ZBTB20: variants seen among roughly 807,000 people sequenced by gnomAD.
The protein encoded by ZBTB20 is zinc finger and BTB domain-containing protein 20.
In ZBTB20, 9 loss-of-function variants were observed where a neutral mutation model predicts 56.9. The observed-to-expected ratio is 0.16, with a 90% CI of 0.10 to 0.28. The LOEUF is 0.28. ZBTB20 is among the 10% of genes least tolerant of loss of function. ZBTB20 has a pLI of 1.00. For synonymous variants in ZBTB20, 417 were observed against 420.7 expected (o/e 0.99, Z 0.11); for missense variants, 655 against 1,003.0 (o/e 0.65, Z 4.69).
chr3:114,370,603 G>A (rs2082889803), intron 10 of ZBTB20, among the ~76,000 whole-genome samples: 1 of 151,952 alleles, frequency 6.6e-6, no homozygotes, highest in South Asian at 2.1e-4. Flanking sequence ...TATCACTCAT[G>A]TAAATATTTC....
intron 5 of ZBTB20, among the ~76,000 whole-genome samples, chr3:114,734,004 C>T (rs1206287267): frequency 3.3e-5 from 5 of 152,144 alleles, no homozygotes; most frequent in Middle Eastern, 3.4e-3. Flanking sequence ...CCACAAGATA[C>T]GGTATCCCCA....
At chr3:114,620,705 A>G (rs1271158478) in intron 6 of ZBTB20, among the ~76,000 whole-genome samples, 1 of 152,200 alleles carries the variant, frequency 6.6e-6, no homozygotes, top group African/African-American at 2.4e-5. Flanking sequence ...CCAATCTGAC[A>G]CTGGTTGGGA....
At position 114,451,287 on chromosome 3, in the gene ZBTB20, T is replaced by A. The variant is rs570591732; in HGVS notation, c.-255+49065A>T. 7.2e-5 allele frequency among the ~76,000 whole-genome samples: 11 copies of A among 152,192 alleles called. No individual in the cohort carries two copies. The South Asian group carries it at 2.1e-3, about 29-fold the overall frequency. On this transcript the variant is annotated intron_variant, in intron 7 of 11. Transcript: ENST00000675478. ...GCAAATTTGAAGAAGTTGCTTCTAC[T>A]TTTATTTCTCTCTCAACTCAGCACA...
At chr3:114,384,660 C>T (rs867114498) in intron 8 of ZBTB20, among the ~76,000 whole-genome samples, 5 of 152,110 alleles carry the variant, frequency 3.3e-5, no homozygotes, top group African/African-American at 4.8e-5. Context: ...GACTGGCGGC[C>T]GAGTTAGCCA....
intron 7 of ZBTB20, among the ~76,000 whole-genome samples, chr3:114,405,450 C>T (rs1313862334): frequency 6.6e-6 from 1 of 152,138 alleles, no homozygotes; most frequent in Non-Finnish European, 1.5e-5. Flanking sequence ...TCAACAGCTT[C>T]ACAAACTCTG....
At chr3:114,642,235 C>A (rs1051464098) in intron 6 of ZBTB20, among the ~76,000 whole-genome samples, 1 of 152,034 alleles carries the variant, frequency 6.6e-6, no homozygotes, top group Non-Finnish European at 1.5e-5. Flanking sequence ...CATTAGAAAT[C>A]TTCTCCAATC....
At chr3:114,543,355 T>C (rs2110120408) in intron 6 of ZBTB20, among the ~76,000 whole-genome samples, 1 of 152,258 alleles carries the variant, frequency 6.6e-6, no homozygotes, top group African/African-American at 2.4e-5. Flanking sequence ...GTATAACCAA[T>C]AATTTCTGAG....
chr3:115,062,130 A>G (rs984624057), intron 2 of ZBTB20, among the ~76,000 whole-genome samples: 8 of 152,208 alleles, frequency 5.3e-5, no homozygotes, highest in Non-Finnish European at 1.0e-4. Flanking sequence ...GCCAGTTACC[A>G]GCATTGCCAG....
At chr3:115,103,717 T>C (rs2083645666) in intron 1 of ZBTB20, among the ~76,000 whole-genome samples, 2 of 152,198 alleles carry the variant, frequency 1.3e-5, no homozygotes, top group Admixed American at 6.5e-5. Flanking sequence ...GGATGGATCA[T>C]AAACCTAAAT....
chr3:115,075,622 G>A (rs549722905), intron 1 of ZBTB20, among the ~76,000 whole-genome samples: 12 of 152,188 alleles, frequency 7.9e-5, no homozygotes, highest in African/African-American at 2.9e-4. Flanking sequence ...AGTACCAACA[G>A]AAGTAAAGTA....
At chr3:114,984,294 T>G (rs1225001414) in intron 2 of ZBTB20, among the ~76,000 whole-genome samples, 1 of 152,084 alleles carries the variant, frequency 6.6e-6, no homozygotes, top group Admixed American at 6.6e-5. Context: ...TTAGGGTACA[T>G]GTGCACAATG....
At chr3:114,544,019 C>A (rs1317605014) in intron 6 of ZBTB20, among the ~76,000 whole-genome samples, 1 of 152,154 alleles carries the variant, frequency 6.6e-6, no homozygotes, top group African/African-American at 2.4e-5. Context: ...TCATTGAGCA[C>A]CTACTATTCT....
At chr3:114,620,654 T>C (rs2058262399) in intron 6 of ZBTB20, among the ~76,000 whole-genome samples, 1 of 152,218 alleles carries the variant, frequency 6.6e-6, no homozygotes, top group African/African-American at 2.4e-5. Flanking sequence ...TAGATATCCA[T>C]TCATTCATCA....
intron 6 of ZBTB20, among the ~76,000 whole-genome samples, chr3:114,545,399 T>C (rs2049758137): frequency 6.6e-6 from 1 of 152,200 alleles, no homozygotes; most frequent in East Asian, 1.9e-4. Context: ...TTGTGCAATT[T>C]AGTTAAAAGG....
chr3:114,933,453 C>G (rs1700701650), intron 3 of ZBTB20, among the ~76,000 whole-genome samples: 1 of 152,232 alleles, frequency 6.6e-6, no homozygotes, highest in Admixed American at 6.5e-5. Flanking sequence ...AAGTCTTTTT[C>G]TAGTGACAGT....
intron 2 of ZBTB20, among the ~76,000 whole-genome samples, chr3:115,062,917 A>T (rs534271274): frequency 1.3e-5 from 2 of 152,338 alleles, no homozygotes; most frequent in Admixed American, 1.3e-4. Context: ...TTTCTTTAAC[A>T]AAGCAACTAT....
chr3:115,076,276 T>C (rs1461904715), intron 1 of ZBTB20, among the ~76,000 whole-genome samples: 2 of 152,240 alleles, frequency 1.3e-5, no homozygotes, highest in Middle Eastern at 3.4e-3. Flanking sequence ...AAAACAAAGA[T>C]TGAGGCATCA....
Position 114,808,253 on chromosome 3 carries a change from A to C in ZBTB20, c.-416-7079T>G, listed in dbSNP as rs1320418431. On this transcript the variant is annotated intron_variant, in intron 4 of 11. Transcript: ENST00000675478. ...ATTGCTAACAATTGTCCAGTTGCTA[A>C]CAATTGTCTAATTGTTAAGCAATGA... Among the ~76,000 whole-genome samples, 5 of 152,134 alleles carry C rather than the reference A, an allele frequency of 3.3e-5. No individual in the cohort carries two copies. The East Asian group carries it at 7.7e-4, about 24-fold the overall frequency.
chr3:115,007,651 GCT>G (rs1331474058), intron 2 of ZBTB20, among the ~76,000 whole-genome samples: 1 of 151,462 alleles, frequency 6.6e-6, no homozygotes, highest in Non-Finnish European at 1.5e-5. Context: ...TTGAAGATTT[GCT>G]CTGTTACCAC....
Sources: allele counts gnomAD v4.1 joint callset (sites outside exome capture counted in the v4.1 genomes callset), GRCh38; gene constraint gnomAD v4.1.1; transcripts MANE v1.5; gene names NCBI Gene and HGNC (gene_info 2026-07-23, HGNC 2026-07-21).